Variants in PTRH1 observed in about 807,000 individuals in gnomAD.
PTRH1 encodes peptidyl-tRNA hydrolase 1 homolog, also known as peptidyl-tRNA hydrolase.
A neutral mutation model predicts 15.7 loss-of-function variants in PTRH1; 13 were observed. The observed-to-expected ratio is 0.83, with a 90% CI of 0.54 to 1.31. The LOEUF (loss-of-function observed/expected upper bound fraction) is 1.31, where lower values mean the gene tolerates loss of function less well. Among genes scored for constraint, PTRH1 ranks in the 40% most tolerant of loss-of-function variants. The pLI, the probability that PTRH1 is intolerant of heterozygous loss-of-function variation, is 0.00. For missense variants in PTRH1, 319 were observed against 296.2 expected, an observed-to-expected ratio of 1.08 and a Z score of -0.56; for synonymous variants, 139 against 136.7, an observed-to-expected ratio of 1.02 and a Z score of -0.12.
downstream of PTRH1, chr9:127,713,488 G>C: frequency 6.9e-6 from 2 of 291,552 alleles, no homozygotes; most frequent in East Asian, 7.4e-5. Context: ...TTCCAAGCCA[G>C]CATCTTTCTT....
chr9:127,706,432 C>T (rs1400713957), intron 1 of PTRH1, among the ~76,000 whole-genome samples: 1 of 152,174 alleles, frequency 6.6e-6, no homozygotes, highest in Non-Finnish European at 1.5e-5. Flanking sequence ...AGTGACAAGC[C>T]CTGGGATGAC....
At chr9:127,711,996 C>A (rs1406106288), downstream of PTRH1, 2 of 1,572,508 alleles carry the variant, frequency 1.3e-6, no homozygotes, top group South Asian at 2.3e-5. Context: ...CAGGCTGGGG[C>A]CAAGCTCTGG....
At chr9:127,703,657 C>T (rs1039775778) in intron 1 of PTRH1, among the ~76,000 whole-genome samples, 3 of 152,214 alleles carry the variant, frequency 2.0e-5, no homozygotes, top group Non-Finnish European at 4.4e-5. Context: ...AAGCAAAAAC[C>T]CACGTGCCAC....
chr9:127,710,796 T>C (rs1218513519), downstream of PTRH1: 1 of 1,547,466 alleles, frequency 6.5e-7, no homozygotes, highest in Non-Finnish European at 8.7e-7. Flanking sequence ...GGAGGCTTCA[T>C]CCCTGGGGCT....
intron 1 of PTRH1, chr9:127,707,182 C>T (rs1564364214): frequency 1.5e-5 from 24 of 1,611,654 alleles, no homozygotes; most frequent in Non-Finnish European, 1.9e-5. Context: ...CCTGGAGGAC[C>T]GGCTAGCCCG....
chr9:127,707,409 T>G (rs952510005), intron 1 of PTRH1, among the ~76,000 whole-genome samples: 3 of 152,156 alleles, frequency 2.0e-5, no homozygotes, highest in African/African-American at 7.2e-5. Flanking sequence ...TCCCAGCTCC[T>G]AGAACCCTGG....
rs566703169 is a variant in PTRH1, at chr9:127,715,561, G to A, written c.79C>T (p.Pro27Ser). Residue 27 changes from proline to serine, a missense_variant, in exon 1 of 5, where the codon CCG becomes TCG. Physicochemically the swap from Pro to Ser is moderately conservative, Grantham distance 74 (BLOSUM62 -1). Transcript: ENST00000543175. The surrounding 1 kb of genome is among the most constrained non-coding windows in gnomAD (Gnocchi z 5.8). ...CCACTCACCATCCACCGCTTCCCCG[G>A]GGGGCGAGGCTCCAAAACACATCGG... ...MSRCVLEPRPPGKRWMVAGLG... is the reference protein window; with the variant it reads ...MSRCVLEPRPSGKRWMVAGLG... 5.0e-6 allele frequency: 8 copies of A among 1,613,562 alleles called. No individual in the cohort carries two copies. In the East Asian group the frequency reaches 1.6e-4, roughly 31 times the overall value.
rs757513846 is a variant in PTRH1, at chr9:127,714,418, G to A, written c.423C>T (p.His141=). The A allele has an allele frequency of 1.5e-5, 24 of 1,614,186 alleles. No homozygotes were observed. Among genetic ancestry groups the A allele is most frequent in the Non-Finnish European group, 1.9e-5 (23 of 1,180,012 alleles). The change falls in exon 4 of 5, where the codon CAC becomes CAT. Residue 141 remains histidine, a synonymous_variant. Coordinates refer to ENST00000543175, the MANE Select transcript of PTRH1 (RefSeq NM_001002913.3). ...AGCTAATGCAGGAACGGACTCCATT[G>A]TGGCCCCTTCAAGGGATATGGGAGG... ...ALKLGGSARG[H]NGVRSCISCL...
intron 3 of PTRH1, 72 bp downstream of exon 3, chr9:127,714,531 T>A: frequency 6.3e-7 from 1 of 1,591,546 alleles, no homozygotes; most frequent in Non-Finnish European, 8.6e-7. Context: ...GGAGACTGGG[T>A]CAGCAGCCCT....
At chr9:127,712,943 GGGACAGTGC>G, downstream of PTRH1, 1 of 1,590,246 alleles carries the variant, frequency 6.3e-7, no homozygotes. Context: ...TTCAGCCATG[GGGACAGTGC>G]TCGGCTCACC....
At chr9:127,696,786 C>A (rs759552253) in intron 1 of PTRH1, among the ~76,000 whole-genome samples, 10 of 152,078 alleles carry the variant, frequency 6.6e-5, no homozygotes, top group Non-Finnish European at 1.3e-4. Context: ...CACTTGACCC[C>A]GGGAGGCAGA....
intron 1 of PTRH1, chr9:127,707,168 G>A (rs1329143180): frequency 8.1e-6 from 13 of 1,613,016 alleles, no homozygotes; most frequent in Admixed American, 3.3e-5. Context: ...ATCCAGATCC[G>A]AGACCTGGAG....
chr9:127,715,099 C>G lies in PTRH1; in HGVS notation c.192G>C (p.Glu64Asp), dbSNP rs975192083. The stretch of plus-strand genomic sequence containing the variant: ...CACAGTGCCGGTCGCGCGTCCAACT[C>G]TCCGCCACACCCAGCCGCCGCGCCA... Reference protein sequence around the residue: ...GQLARRLGVAESWTRDRHCAA... With the variant: ...GQLARRLGVADSWTRDRHCAA... Residue 64 changes from glutamate (E) to aspartate (D), a missense_variant, in exon 2 of 5, where the codon GAG (glutamate) becomes GAC (aspartate). Transcript: ENST00000543175. The surrounding 1 kb of genome is among the most constrained non-coding windows in gnomAD (Gnocchi z 5.8). The G allele has an allele frequency of 6.5e-6, 10 of 1,533,284 alleles. No homozygotes were observed. The Admixed American group carries it at 9.8e-5, about 15-fold the overall frequency. The allele number at this position is 1,533,284 out of a possible 1,614,324, so 95.0% of individuals were successfully genotyped here. A position where few individuals can be genotyped will look rare whatever the true frequency, so the allele number is the denominator to read the frequency against.
Position 127,713,936 on chromosome 9 carries a change from G to T in PTRH1, c.*164C>A. On this transcript the variant is annotated 3_prime_UTR_variant, in exon 5 of 5. Coordinates refer to ENST00000543175, the MANE Select transcript of PTRH1 (RefSeq NM_001002913.3). The stretch of plus-strand genomic sequence containing the variant: ...AGAGAGAAGAACCTACTCCAGAAAT[G>T]GACTGGTCCAGTCACAGTCACCCCC... 6.2e-7 allele frequency: 1 copy of T among 1,602,586 alleles called. No homozygotes were observed. The highest frequency in any genetic ancestry group is 8.5e-7 in the Non-Finnish European group (1 of 1,169,708).
At chr9:127,704,762 C>A (rs781465146) in intron 1 of PTRH1, among the ~76,000 whole-genome samples, 1 of 152,018 alleles carries the variant, frequency 6.6e-6, no homozygotes, top group African/African-American at 2.4e-5. Flanking sequence ...TTTTATTGGC[C>A]TGTACCTAAC....
At chr9:127,694,893 G>C (rs1842543462) in intron 2 of PTRH1, 1 of 677,788 alleles carries the variant, frequency 1.5e-6, no homozygotes, top group Non-Finnish European at 2.7e-6. Context: ...GAAGGCCAGA[G>C]TGGTTAGGAG....
downstream of PTRH1, chr9:127,711,129 T>G: frequency 2.1e-6 from 3 of 1,412,244 alleles, no homozygotes; most frequent in Non-Finnish European, 2.9e-6. Context: ...AGCATGCTGG[T>G]GTTTAACAGC....
chr9:127,711,637 C>A, downstream of PTRH1: 2 of 1,197,818 alleles, frequency 1.7e-6, no homozygotes, highest in South Asian at 1.5e-5. Context: ...CCTGTGGGGG[C>A]TGCAGGGTGC....
Position 127,715,641 on chromosome 9 carries a change from C to T in PTRH1, c.-2G>A. ...GCCCAAAAAGCCGCCCGGCCTCATG[C>T]TGCCCCCATTCACTCCGACACCGCC... On this transcript the variant is annotated 5_prime_UTR_variant, in exon 1 of 5. Coordinates refer to ENST00000543175, the MANE Select transcript of PTRH1 (RefSeq NM_001002913.3). The surrounding 1 kb of genome is among the most constrained non-coding windows in gnomAD (Gnocchi z 5.8). The T allele has an allele frequency of 6.2e-7, 1 of 1,611,302 alleles. No homozygotes were observed. Among genetic ancestry groups the T allele is most frequent in the South Asian group, 1.1e-5 (1 of 90,976 alleles).
Sources: gnomAD v4.1 joint callset for allele counts (sites outside exome capture counted in the v4.1 genomes callset) on GRCh38, gnomAD v4.1.1 for gene constraint, Gnocchi (gnomAD v3.1) non-coding constraint, MANE v1.5 for transcripts, NCBI Gene and HGNC (gene_info 2026-07-23, HGNC 2026-07-21) for gene names.